Variants in ZC3H18 observed in about 807,000 individuals in gnomAD.
ZC3H18 encodes the protein zinc finger CCCH-type containing 18, also known as zinc finger CCCH domain-containing protein 18.
A neutral mutation model predicts 106.1 loss-of-function variants in ZC3H18; 8 were observed. That is an observed-to-expected ratio of 0.08 (90% CI 0.04 to 0.14). The LOEUF is 0.14. ZC3H18 is among the 10% of genes least tolerant of loss of function. The pLI, the probability that ZC3H18 is intolerant of heterozygous loss-of-function variation, is 1.00. For synonymous variants in ZC3H18, 635 were observed against 522.1 expected (o/e 1.22, Z -2.95); for missense variants, 1,318 against 1,278.4 (o/e 1.03, Z -0.47).
At chr16:88,598,043 T>G in intron 3 of ZC3H18, 135 bp from the exon 4 acceptor site, 2 of 715,974 alleles carry the variant, frequency 2.8e-6, no homozygotes, top group Non-Finnish European at 4.3e-6. Flanking sequence ...CCCCGTTCAG[T>G]TCCCACTACT....
At chr16:88,617,442 C>T (rs980968592) in intron 8 of ZC3H18, among the ~76,000 whole-genome samples, 25 of 152,218 alleles carry the variant, frequency 1.6e-4, no homozygotes, top group Non-Finnish European at 2.9e-5. Flanking sequence ...GCTAAGGGGG[C>T]GGTCCCTTAT....
chr16:88,573,853 ATC>A (rs367679034), intron 1 of ZC3H18, among the ~76,000 whole-genome samples: 12 of 152,050 alleles, frequency 7.9e-5, no homozygotes, highest in African/African-American at 2.6e-4. Context: ...TGGTTTGTAA[ATC>A]TATGTTATTG....
intron 1 of ZC3H18, 112 bp from the exon 2 acceptor site, chr16:88,576,998 C>A: frequency 9.0e-7 from 1 of 1,106,078 alleles, no homozygotes; most frequent in Non-Finnish European, 1.3e-6. Context: ...TGGGGCAGGG[C>A]CGTGTGGGAC....
At position 88,577,674 on chromosome 16, in the gene ZC3H18, AGGAGAAAAAGAAAGAGGACGATGAT is replaced by A; in HGVS notation, c.559_583del (p.Lys187SerfsTer6). The A allele has an allele frequency of 6.2e-7, 1 of 1,613,902 alleles. No homozygotes were observed. Among genetic ancestry groups the A allele is most frequent in the Non-Finnish European group, 8.5e-7 (1 of 1,180,026 alleles). On this transcript the variant is annotated frameshift_variant, in exon 2 of 18. Transcript: ENST00000301011. LOFTEE classifies it high-confidence loss of function. ...GAAAAGGAATCCCTGGAGGCTGCCA[AGGAGAAAAAGAAAGAGGACGATGAT>A]GGAGAAATCGATGATGGGGAAATAG...
In ZC3H18 at chr16:88,593,421, A is replaced by G. The variant is rs1451335294; in HGVS notation, c.689-4757A>G. On this transcript the variant is annotated intron_variant, in intron 3 of 17. Coordinates refer to ENST00000301011, the MANE Select transcript of ZC3H18 (RefSeq NM_144604.4). ...AGGTGGGGCAGAGGAGGTCGGCACA[A>G]GATTTCATCACGCTGCTCAGCACAG... 3.3e-5 allele frequency among the ~76,000 whole-genome samples: 5 copies of G among 152,272 alleles called. No individual in the cohort carries two copies. The East Asian group carries it at 9.6e-4, about 29-fold the overall frequency.
At chr16:88,582,318 G>A (rs545188797) in intron 2 of ZC3H18, among the ~76,000 whole-genome samples, 35 of 131,514 alleles carry the variant, frequency 2.7e-4, no homozygotes, top group Middle Eastern at 4.7e-3. Context: ...TCTGCCTCCC[G>A]GGTTCAAGCG....
chr16:88,611,194 G>A, intron 7 of ZC3H18, 74 bp from the exon 8 acceptor site: 1 of 704,566 alleles, frequency 1.4e-6, no homozygotes, highest in Non-Finnish European at 2.6e-6. Flanking sequence ...GCGTGGTGTT[G>A]GAGCCAAGGC....
chr16:88,570,610 G>A (rs1914329378), intron 1 of ZC3H18, 44 bp downstream of exon 1: 1 of 151,048 alleles, frequency 6.6e-6, no homozygotes, highest in East Asian at 1.9e-4. Flanking sequence ...GGCCGGCGGC[G>A]GCGGGAGGAG....
At position 88,622,984 on chromosome 16, in the gene ZC3H18, C is replaced by G. The variant is rs929812386; in HGVS notation, c.1668-235C>G. 42 of 589,876 alleles carry G rather than the reference C, an allele frequency of 7.1e-5. No individual in the cohort carries two copies. In the African/African-American group the frequency reaches 7.4e-4, roughly 10 times the overall value. 36.5% of individuals were successfully genotyped at this position (589,876 alleles called of 1,614,324 possible). ...CCGGTAACAGCAGGCACACCCCACG[C>G]CCAGGTCTTGATTTCTAAATGCCGT... On this transcript the variant is annotated intron_variant, in intron 9 of 17. Coordinates refer to ENST00000301011, the MANE Select transcript of ZC3H18 (RefSeq NM_144604.4).
intron 8 of ZC3H18, among the ~76,000 whole-genome samples, chr16:88,619,718 C>T (rs762440480): frequency 2.6e-5 from 4 of 152,126 alleles, no homozygotes; most frequent in Non-Finnish European, 4.4e-5. Flanking sequence ...TCCCCCTCAC[C>T]GCAGCTAGGA....
intron 3 of ZC3H18, among the ~76,000 whole-genome samples, chr16:88,591,524 A>T (rs1597331253): frequency 1.3e-5 from 2 of 151,972 alleles, no homozygotes; most frequent in African/African-American, 4.8e-5. Context: ...GTGAGCCAAG[A>T]TCACACCACT....
chr16:88,607,537 C>T (rs1905071465), intron 6 of ZC3H18, among the ~76,000 whole-genome samples: 1 of 151,984 alleles, frequency 6.6e-6, no homozygotes. Context: ...TTCATGCACG[C>T]TTTGTGTCAG....
intron 2 of ZC3H18, among the ~76,000 whole-genome samples, chr16:88,586,175 G>A (rs1389919453): frequency 6.6e-6 from 1 of 152,158 alleles, no homozygotes; most frequent in Non-Finnish European, 1.5e-5. Flanking sequence ...ACTGCCCTGA[G>A]GCACCCAACT....
intron 2 of ZC3H18, among the ~76,000 whole-genome samples, chr16:88,583,359 C>CGCGCTTGCTGA (rs1172451058): frequency 6.6e-6 from 1 of 152,242 alleles, no homozygotes; most frequent in Non-Finnish European, 1.5e-5. Context: ...AGGACTCAGG[C>CGCGCTTGCTGA]GCGCTTGCTG....
chr16:88,578,919 C>G (rs1345500596), intron 2 of ZC3H18, among the ~76,000 whole-genome samples: 1 of 152,162 alleles, frequency 6.6e-6, no homozygotes, highest in East Asian at 1.9e-4. Context: ...AACTCCTGAC[C>G]TCAGGTGATC....
chr16:88,622,376 C>CT lies in ZC3H18; in HGVS notation c.1656dup (p.Asn553Ter). 1 of 1,609,344 alleles carries CT rather than the reference C, an allele frequency of 6.2e-7. No homozygotes were observed. ...ACATCAGCCTCGTCAGCCTCTGCCT[C>CT]TAATTCCTCCAGGTAAGGAGGGCTC... On this transcript the variant is annotated frameshift_variant, in exon 9 of 18. Transcript: ENST00000301011. LOFTEE classifies it high-confidence loss of function.
chr16:88,614,471 T>G (rs1905458245), intron 8 of ZC3H18, among the ~76,000 whole-genome samples: 1 of 152,244 alleles, frequency 6.6e-6, no homozygotes, highest in South Asian at 2.1e-4. Context: ...AGGCCTTTGT[T>G]TCAGGGTCAC....
At chr16:88,573,981 C>T (rs35279691) in intron 1 of ZC3H18, among the ~76,000 whole-genome samples, 1 of 151,530 alleles carries the variant, frequency 6.6e-6, no homozygotes, top group Middle Eastern at 3.2e-3. Context: ...TCAAGCAATT[C>T]TCCTGCCTCA....
intron 3 of ZC3H18, among the ~76,000 whole-genome samples, chr16:88,594,424 G>C (rs566317542): frequency 1.6e-4 from 24 of 152,172 alleles, no homozygotes; most frequent in Non-Finnish European, 2.6e-4. Flanking sequence ...GACATTTAAA[G>C]ATACTTCATG....
Sources: allele counts gnomAD v4.1 joint callset (sites outside exome capture counted in the v4.1 genomes callset), GRCh38; gene constraint gnomAD v4.1.1; transcripts MANE v1.5; gene names NCBI Gene and HGNC (gene_info 2026-07-23, HGNC 2026-07-21).